Variants in ADGRL3 observed in about 807,000 individuals in gnomAD.
ADGRL3 encodes the protein calcium-independent alpha-latrotoxin receptor 3.
In ADGRL3, 62 loss-of-function variants were observed where a neutral mutation model predicts 153.5. That is an observed-to-expected ratio of 0.40 (90% CI 0.33 to 0.50). ADGRL3 has a LOEUF of 0.50. Ranked by LOEUF, ADGRL3 falls within the 20% of genes least tolerant of loss-of-function variation. ADGRL3 has a pLI of 0.47. For synonymous variants in ADGRL3, 710 were observed against 672.5 expected, an observed-to-expected ratio of 1.06 and a Z score of -0.86; for missense variants, 1,641 against 1,859.4, an observed-to-expected ratio of 0.88 and a Z score of 2.16.
intron 17 of ADGRL3, among the ~76,000 whole-genome samples, chr4:61,965,082 C>A (rs940132767): frequency 3.3e-5 from 5 of 152,040 alleles, no homozygotes; most frequent in African/African-American, 1.2e-4. Flanking sequence ...TTCACCATAG[C>A]CTTGACCCAG....
At chr4:61,640,364 T>C (rs1252707993) in intron 5 of ADGRL3, among the ~76,000 whole-genome samples, 1 of 152,168 alleles carries the variant, frequency 6.6e-6, no homozygotes, top group African/African-American at 2.4e-5. Context: ...TCTATGGTGT[T>C]AAATAAAAAG....
At chr4:61,692,749 G>A (rs1337300436) in intron 6 of ADGRL3, among the ~76,000 whole-genome samples, 1 of 152,040 alleles carries the variant, frequency 6.6e-6, no homozygotes, top group African/African-American at 2.4e-5. Context: ...TTCTCTTCCT[G>A]TCTTAATGAT....
chr4:61,895,487 T>C (rs907309367), intron 10 of ADGRL3, among the ~76,000 whole-genome samples: 22 of 151,496 alleles, frequency 1.5e-4, no homozygotes, highest in Non-Finnish European at 2.5e-4. Context: ...ATAATAATAA[T>C]AATAATAATA....
chr4:61,739,982 T>A (rs2096564085), intron 8 of ADGRL3, among the ~76,000 whole-genome samples: 2 of 152,222 alleles, frequency 1.3e-5, no homozygotes, highest in Admixed American at 6.5e-5. Context: ...AATATATTAT[T>A]TTTAGAAATG....
chr4:61,646,551 C>G (rs7682475), intron 5 of ADGRL3, among the ~76,000 whole-genome samples: 5 of 149,588 alleles, frequency 3.3e-5, no homozygotes, highest in East Asian at 1.9e-4. Flanking sequence ...AGGTGTCAGT[C>G]TGCCCGTACT....
At chr4:61,742,423 C>T (rs112951141) in intron 8 of ADGRL3, among the ~76,000 whole-genome samples, 67 of 152,076 alleles carry the variant, frequency 4.4e-4, no homozygotes, top group Middle Eastern at 3.4e-3. Context: ...GGACTACAGG[C>T]GCCCGCCACC....
At chr4:61,687,213 C>G (rs2095463089) in intron 6 of ADGRL3, among the ~76,000 whole-genome samples, 1 of 151,682 alleles carries the variant, frequency 6.6e-6, no homozygotes, top group Non-Finnish European at 1.5e-5. Context: ...AAAGTTCCCC[C>G]AAAGAAGTCT....
intron 1 of ADGRL3, among the ~76,000 whole-genome samples, chr4:61,278,519 T>C (rs1157103512): frequency 1.3e-5 from 2 of 152,180 alleles, no homozygotes; most frequent in East Asian, 3.9e-4. Context: ...TTCTTTCTTT[T>C]TTGAGACGGA....
rs553496778 is a variant in ADGRL3, at chr4:61,316,038, G to A, written c.-239-67086G>A. ...TCTCATGAAGCTTAATTCCATTTGGGGGAGACAGATTATGAAAAAAAGTAT... is the reference window on the plus strand; with the variant it reads ...TCTCATGAAGCTTAATTCCATTTGGAGGAGACAGATTATGAAAAAAAGTAT... On this transcript the variant is annotated intron_variant, in intron 1 of 26. Coordinates refer to ENST00000683033, the MANE Select transcript of ADGRL3 (RefSeq NM_001387552.1). 2.2e-4 allele frequency among the ~76,000 whole-genome samples: 33 copies of A among 152,072 alleles called. No homozygotes were observed. The South Asian group carries it at 6.6e-3, about 31-fold the overall frequency.
chr4:61,844,698 CCTAA>C (rs1265263883), intron 9 of ADGRL3, among the ~76,000 whole-genome samples: 3 of 148,940 alleles, frequency 2.0e-5, no homozygotes, highest in African/African-American at 5.0e-5. Context: ...CTTGAAAGAT[CCTAA>C]CTGATAAACT....
chr4:61,304,619 G>A (rs563842790), intron 1 of ADGRL3, among the ~76,000 whole-genome samples: 22 of 152,144 alleles, frequency 1.4e-4, no homozygotes, highest in African/African-American at 5.1e-4. Flanking sequence ...AGGAGAAATT[G>A]ATTGGGTGAG....
chr4:61,875,827 C>A (rs967028453), intron 9 of ADGRL3, among the ~76,000 whole-genome samples: 4 of 152,152 alleles, frequency 2.6e-5, no homozygotes, highest in African/African-American at 9.7e-5. Flanking sequence ...GATGATACTG[C>A]ATTATGTCAG....
intron 21 of ADGRL3, among the ~76,000 whole-genome samples, chr4:62,020,249 A>G (rs969797644): frequency 6.6e-6 from 1 of 152,128 alleles, no homozygotes; most frequent in African/African-American, 2.4e-5. Flanking sequence ...AAAAGTTATT[A>G]ATTTCTTGAC....
chr4:61,415,474 T>G (rs1313765769), intron 2 of ADGRL3, among the ~76,000 whole-genome samples: 1 of 152,048 alleles, frequency 6.6e-6, no homozygotes, highest in Non-Finnish European at 1.5e-5. Flanking sequence ...AATTCTAAAC[T>G]AGAAATTTAT....
chr4:61,572,523 T>C (rs2098843282), intron 4 of ADGRL3, among the ~76,000 whole-genome samples: 1 of 152,228 alleles, frequency 6.6e-6, no homozygotes, highest in African/African-American at 2.4e-5. Context: ...TGCGTATAAA[T>C]TTAAAAGTAA....
At chr4:61,408,524 T>G (rs1177460915) in intron 2 of ADGRL3, among the ~76,000 whole-genome samples, 1 of 151,996 alleles carries the variant, frequency 6.6e-6, no homozygotes, top group Non-Finnish European at 1.5e-5. Context: ...CCTTAAGCCC[T>G]ACATGTATTT....
At chr4:61,894,814 C>T (rs2098616557) in intron 10 of ADGRL3, among the ~76,000 whole-genome samples, 1 of 152,134 alleles carries the variant, frequency 6.6e-6, no homozygotes, top group Non-Finnish European at 1.5e-5. Flanking sequence ...ATTCATCTTC[C>T]ATGTTTCTGC....
At chr4:61,470,096 A>T (rs2097928386) in intron 2 of ADGRL3, among the ~76,000 whole-genome samples, 1 of 152,032 alleles carries the variant, frequency 6.6e-6, no homozygotes. Flanking sequence ...ACGTATTATA[A>T]ATCATACTCC....
chr4:61,209,513 T>C (rs1234318549), intron 1 of ADGRL3, among the ~76,000 whole-genome samples: 10 of 152,196 alleles, frequency 6.6e-5, no homozygotes, highest in Non-Finnish European at 5.9e-5. Context: ...ATTTTCTTAA[T>C]TGAAGAGTTC....
Sources: allele counts gnomAD v4.1 joint callset (sites outside exome capture counted in the v4.1 genomes callset), GRCh38; gene constraint gnomAD v4.1.1; transcripts MANE v1.5; gene names NCBI Gene and HGNC (gene_info 2026-07-23, HGNC 2026-07-21).